Variants in RBFOX1 observed in about 807,000 individuals in gnomAD.
RBFOX1 encodes the protein RNA binding protein fox-1 homolog 1.
RBFOX1 carries 8 observed loss-of-function variants against 57.7 expected under a neutral mutation model. That is an observed-to-expected ratio of 0.14 (90% CI 0.08 to 0.25). RBFOX1 has a LOEUF of 0.25. Ranked by LOEUF, RBFOX1 falls within the 10% of genes least tolerant of loss-of-function variation. The pLI is 1.00. For synonymous variants in RBFOX1, 326 were observed against 222.4 expected, an observed-to-expected ratio of 1.47 and a Z score of -4.15; for missense variants, 611 against 548.5, an observed-to-expected ratio of 1.11 and a Z score of -1.14.
At chr16:7,329,031 T>A (rs371739663) in intron 4 of RBFOX1, among the ~76,000 whole-genome samples, 150 of 152,326 alleles carry the variant, frequency 9.8e-4, no homozygotes, top group African/African-American at 3.5e-3. Flanking sequence ...AAATACAGTA[T>A]TACAGGAACA....
At position 6,989,332 on chromosome 16, in the gene RBFOX1, G is replaced by A. The variant is rs140719984; in HGVS notation, c.-15-62725G>A. Among the ~76,000 whole-genome samples the A allele has an allele frequency of 1.2e-3, 184 of 152,218 alleles. 1 individual carries two copies. Among genetic ancestry groups the A allele is most frequent in the African/African-American group, 4.3e-3 (177 of 41,530 alleles). On this transcript the variant is annotated intron_variant, in intron 3 of 15. Coordinates refer to ENST00000550418, the MANE Select transcript of RBFOX1 (RefSeq NM_018723.4). ...TTTACAATTATATGTGCTTCTCTCT[G>A]TCTATCTGTATCAGTCTGTCTTTTG...
At chr16:6,772,301 A>G (rs904321121) in intron 3 of RBFOX1, among the ~76,000 whole-genome samples, 2 of 152,182 alleles carry the variant, frequency 1.3e-5, no homozygotes, top group African/African-American at 4.8e-5. Flanking sequence ...TGACCCTAGT[A>G]CAGAGGAAGG....
intron 3 of RBFOX1, among the ~76,000 whole-genome samples, chr16:5,693,758 T>A (rs1262435580): frequency 1.3e-5 from 2 of 152,156 alleles, no homozygotes; most frequent in African/African-American, 4.8e-5. Flanking sequence ...TGGCTATGAT[T>A]CTTTTTGCGT....
chr16:6,628,862 C>G (rs1445194345), intron 2 of RBFOX1, among the ~76,000 whole-genome samples: 1 of 140,464 alleles, frequency 7.1e-6, no homozygotes, highest in Non-Finnish European at 1.6e-5. Context: ...AACCCCGTGT[C>G]TACTGAAAAT....
chr16:6,351,372 A>ATT lies in RBFOX1; in HGVS notation c.-64+34329_-64+34330dup, dbSNP rs761394862. 6.3e-3 allele frequency among the ~76,000 whole-genome samples: 545 copies of ATT among 86,388 alleles called. 9 individuals carry two copies. The highest frequency in any genetic ancestry group is 0.028 in the Admixed American group (203 of 7,188). 56.7% of individuals were successfully genotyped at this position (86,388 alleles called of 152,430 possible). On this transcript the variant is annotated intron_variant, in intron 2 of 15. Coordinates refer to ENST00000550418, the MANE Select transcript of RBFOX1 (RefSeq NM_018723.4). Reference sequence around the variant, plus strand: ...TGTGTGTATATATATATATATATATATTTTTTTTTTTTTTTCTTGAGGCAG... The same window carrying ATT: ...TGTGTGTATATATATATATATATATATTTTTTTTTTTTTTTTTCTTGAGGCAG...
chr16:5,782,621 A>G (rs1167917385), intron 3 of RBFOX1, among the ~76,000 whole-genome samples: 2 of 152,194 alleles, frequency 1.3e-5, no homozygotes, highest in African/African-American at 2.4e-5. Flanking sequence ...CTCCAGGGAA[A>G]CAGAACCAAT....
chr16:6,589,108 A>AC (rs2097673494), intron 2 of RBFOX1, among the ~76,000 whole-genome samples: 1 of 151,750 alleles, frequency 6.6e-6, no homozygotes, highest in African/African-American at 2.4e-5. Flanking sequence ...TATTACAAAA[A>AC]AACCCCTAAA....
At chr16:6,733,312 A>C (rs888708502) in intron 3 of RBFOX1, among the ~76,000 whole-genome samples, 2 of 152,106 alleles carry the variant, frequency 1.3e-5, no homozygotes, top group African/African-American at 4.8e-5. Flanking sequence ...CAGAAATATG[A>C]CTTGGGCATA....
At chr16:5,732,893 T>G (rs2052433036) in intron 3 of RBFOX1, among the ~76,000 whole-genome samples, 1 of 152,106 alleles carries the variant, frequency 6.6e-6, no homozygotes, top group Non-Finnish European at 1.5e-5. Context: ...AATAAAAAAT[T>G]GCACGAGGCT....
At chr16:6,093,190 A>G (rs2096201071) in intron 1 of RBFOX1, among the ~76,000 whole-genome samples, 2 of 152,312 alleles carry the variant, frequency 1.3e-5, no homozygotes, top group African/African-American at 4.8e-5. Flanking sequence ...GCATCTGGAG[A>G]TGAGTTTAAG....
intron 2 of RBFOX1, among the ~76,000 whole-genome samples, chr16:6,586,665 G>T (rs965877002): frequency 3.9e-5 from 6 of 152,124 alleles, no homozygotes; most frequent in African/African-American, 1.2e-4. Context: ...CCCTTAAAGT[G>T]GCAAGATGGC....
chr16:7,120,830 T>C (rs12932939), intron 4 of RBFOX1, among the ~76,000 whole-genome samples: 3,074 of 86,554 alleles, frequency 0.036, 69 homozygotes, highest in Middle Eastern at 0.1. Flanking sequence ...TATGTATATA[T>C]ACACACACAC....
chr16:7,531,544 C>A (rs952022297), intron 5 of RBFOX1, among the ~76,000 whole-genome samples: 1 of 152,148 alleles, frequency 6.6e-6, no homozygotes, highest in African/African-American at 2.4e-5. Context: ...TCAAAGGCAG[C>A]CACGGTCCAC....
chr16:6,631,519 A>C (rs1161997384), intron 2 of RBFOX1, among the ~76,000 whole-genome samples: 1 of 152,064 alleles, frequency 6.6e-6, no homozygotes, highest in African/African-American at 2.4e-5. Flanking sequence ...CTGAACAAAT[A>C]TTAAGTGGAG....
At chr16:6,249,041 T>C (rs1316664292) in intron 1 of RBFOX1, among the ~76,000 whole-genome samples, 3 of 152,250 alleles carry the variant, frequency 2.0e-5, no homozygotes, top group African/African-American at 7.2e-5. Context: ...CAAACATAAA[T>C]TGATCATTAT....
At chr16:7,052,293 G>A (rs574724835) in intron 4 of RBFOX1, among the ~76,000 whole-genome samples, 195 bp downstream of exon 4, 15 of 152,272 alleles carry the variant, frequency 9.9e-5, no homozygotes, top group African/African-American at 2.9e-4. Flanking sequence ...TGGAAGTGCC[G>A]TTATAGTAGA....
In RBFOX1 at chr16:6,756,799, C is replaced by G. The variant is rs559777339; in HGVS notation, c.-16+102149C>G. ...CCAGCCTGGCCAACATGGTGAAACT[C>G]CATCTCTACTAAAAATACAACAAAA... On this transcript the variant is annotated intron_variant, in intron 3 of 15. Transcript: ENST00000550418. 2.0e-5 allele frequency among the ~76,000 whole-genome samples: 3 copies of G among 152,096 alleles called. No individual in the cohort carries two copies. In the South Asian group the frequency reaches 6.2e-4, roughly 32 times the overall value.
At position 6,164,556 on chromosome 16, in the gene RBFOX1, T is replaced by G. The variant is rs140013508; in HGVS notation, c.-127+144564T>G. On this transcript the variant is annotated intron_variant, in intron 1 of 15. Coordinates refer to ENST00000550418, the MANE Select transcript of RBFOX1 (RefSeq NM_018723.4). ...ATCTCGGCCCACTGCAACCTCTGCC[T>G]CTCAGATTCAAGCGATTCTCATGCC... Among the ~76,000 whole-genome samples the G allele has an allele frequency of 6.8e-3, 1,031 of 151,570 alleles. 13 individuals carry two copies. Among genetic ancestry groups the G allele is most frequent in the African/African-American group, 0.024 (974 of 41,312 alleles).
intron 2 of RBFOX1, among the ~76,000 whole-genome samples, chr16:6,484,530 G>A (rs911491551): frequency 2.0e-5 from 3 of 152,138 alleles, no homozygotes; most frequent in Non-Finnish European, 2.9e-5. Flanking sequence ...TCAAGTGATG[G>A]AATGAACTGT....
Sources: allele counts gnomAD v4.1 joint callset (sites outside exome capture counted in the v4.1 genomes callset), GRCh38; gene constraint gnomAD v4.1.1; transcripts MANE v1.5; gene names NCBI Gene and HGNC (gene_info 2026-07-23, HGNC 2026-07-21).